GABRA5: variants seen among roughly 807,000 people sequenced by gnomAD.
GABRA5 encodes the protein gamma-aminobutyric acid receptor subunit alpha-5.
Under a neutral mutation model 47.3 loss-of-function variants are expected in GABRA5, and 18 were observed. The ratio of observed to expected loss-of-function variants is 0.38; its 90% CI spans 0.26 to 0.56. GABRA5 has a LOEUF of 0.56. Among genes scored for constraint, GABRA5 ranks in the 20% least tolerant of loss-of-function variants. GABRA5 has a pLI of 0.71. For missense variants in GABRA5, 365 were observed against 599.3 expected, an observed-to-expected ratio of 0.61 and a Z score of 4.08; for synonymous variants, 237 against 229.3, an observed-to-expected ratio of 1.03 and a Z score of -0.30.
At chr15:26,939,791 C>T (rs920837428) in intron 8 of GABRA5, 134 bp from the exon 9 acceptor site, 2 of 830,200 alleles carry the variant, frequency 2.4e-6, no homozygotes, top group Non-Finnish European at 3.9e-6. Context: ...TGTGTCCTCT[C>T]CTTAACCCAG....
At chr15:26,927,271 T>A (rs988572185) in intron 7 of GABRA5, among the ~76,000 whole-genome samples, 3 of 41,062 alleles carry the variant, frequency 7.3e-5, no homozygotes, top group Middle Eastern at 0.025. Flanking sequence ...GTCCAGCTAA[T>A]TTTTTTTTTT....
chr15:26,941,132 T>C (rs1005354663), intron 9 of GABRA5, among the ~76,000 whole-genome samples: 6 of 151,964 alleles, frequency 3.9e-5, no homozygotes, highest in African/African-American at 1.5e-4. Flanking sequence ...CAGTCAAGAG[T>C]CCAGCTTCAC....
chr15:26,937,474 T>C, intron 8 of GABRA5, 146 bp downstream of exon 8: 1 of 824,168 alleles, frequency 1.2e-6, no homozygotes, highest in Non-Finnish European at 1.8e-6. Flanking sequence ...CCAGCTGTGC[T>C]CTCCATGGGC....
At chr15:26,927,254 C>T (rs2140305390) in intron 7 of GABRA5, among the ~76,000 whole-genome samples, 1 of 150,548 alleles carries the variant, frequency 6.6e-6, no homozygotes, top group South Asian at 2.1e-4. Context: ...CAGGTGCCCG[C>T]CACCATGTCC....
chr15:26,895,391 A>G (rs1016099145), intron 6 of GABRA5, among the ~76,000 whole-genome samples: 4 of 152,138 alleles, frequency 2.6e-5, no homozygotes, highest in Admixed American at 1.3e-4. Context: ...GTGCCTGTGC[A>G]GGCTCTGCCA....
intron 6 of GABRA5, among the ~76,000 whole-genome samples, chr15:26,890,603 C>T (rs74006531): frequency 0.035 from 5,300 of 152,150 alleles, 319 homozygotes; most frequent in African/African-American, 0.12. Flanking sequence ...CACCATCCTT[C>T]ATGTCCTCAG....
chr15:26,938,491 C>A (rs1566886985), intron 8 of GABRA5, among the ~76,000 whole-genome samples: 1 of 152,026 alleles, frequency 6.6e-6, no homozygotes, highest in Non-Finnish European at 1.5e-5. Flanking sequence ...AATTTTCCTA[C>A]CCTCAACTCA....
chr15:26,909,506 A>G (rs1328301930), intron 6 of GABRA5, among the ~76,000 whole-genome samples: 1 of 152,224 alleles, frequency 6.6e-6, no homozygotes, highest in Non-Finnish European at 1.5e-5. Context: ...TTGTAATTCC[A>G]AAAGGGTCCC....
intron 6 of GABRA5, among the ~76,000 whole-genome samples, chr15:26,901,903 A>C (rs918042982): frequency 6.6e-6 from 1 of 152,096 alleles, no homozygotes; most frequent in Non-Finnish European, 1.5e-5. Context: ...TGTTGAAAAG[A>C]CTGTCTCGTC....
At chr15:26,935,787 C>T (rs2140577650) in intron 7 of GABRA5, among the ~76,000 whole-genome samples, 2 of 152,326 alleles carry the variant, frequency 1.3e-5, no homozygotes, top group Middle Eastern at 6.8e-3. Context: ...CTCTCCTTCT[C>T]TTCCTCTCCC....
intron 6 of GABRA5, among the ~76,000 whole-genome samples, chr15:26,909,351 A>C (rs891827404): frequency 8.5e-5 from 13 of 152,162 alleles, no homozygotes; most frequent in Non-Finnish European, 1.5e-4. Flanking sequence ...TAAATTCACC[A>C]CATCTGAAAA....
chr15:26,885,651 T>G (rs974019432), intron 6 of GABRA5, among the ~76,000 whole-genome samples: 1 of 152,138 alleles, frequency 6.6e-6, no homozygotes, highest in South Asian at 2.1e-4. Context: ...GACATTACCT[T>G]GTTGATTTAG....
At chr15:26,914,429 C>T (rs532750700) in intron 6 of GABRA5, among the ~76,000 whole-genome samples, 146 of 152,190 alleles carry the variant, frequency 9.6e-4, no homozygotes, top group African/African-American at 3.2e-3. Flanking sequence ...ATTTTTTGAG[C>T]TTATAAGCAA....
In GABRA5 at chr15:26,895,629, G is replaced by A. The variant is rs576488730; in HGVS notation, c.497+12072G>A. The stretch of plus-strand genomic sequence containing the variant: ...AGATCGACACCATCCTGGCTAACAG[G>A]GTGAAACCCCGTCTCTACTAAAAAT... On this transcript the variant is annotated intron_variant, in intron 6 of 10. Coordinates refer to ENST00000335625, the MANE Select transcript of GABRA5 (RefSeq NM_000810.4). Among the ~76,000 whole-genome samples, 311 of 151,954 alleles carry A rather than the reference G, an allele frequency of 2.0e-3. 1 individual carries two copies. In the Middle Eastern group the frequency reaches 0.024, roughly 12 times the overall value.
intron 6 of GABRA5, among the ~76,000 whole-genome samples, chr15:26,911,935 G>A (rs1893605448): frequency 6.6e-6 from 1 of 152,148 alleles, no homozygotes; most frequent in African/African-American, 2.4e-5. Flanking sequence ...AGACTGTGTG[G>A]GGTTATAGTG....
chr15:26,916,507 G>A (rs1595421098), intron 7 of GABRA5, among the ~76,000 whole-genome samples: 1 of 152,224 alleles, frequency 6.6e-6, no homozygotes, highest in Admixed American at 6.5e-5. Context: ...GTCAGGACAT[G>A]TAATGCCTCC....
At chr15:26,882,743 C>G (rs1309464527) in intron 4 of GABRA5, among the ~76,000 whole-genome samples, 1 of 152,158 alleles carries the variant, frequency 6.6e-6, no homozygotes, top group African/African-American at 2.4e-5. Flanking sequence ...AAGTCAGCTC[C>G]CCTCATCCTG....
chr15:26,943,264 C>T lies in GABRA5; in HGVS notation c.927C>T (p.Asn309=), dbSNP rs1282525379. 3 of 1,567,782 alleles carry T rather than the reference C, an allele frequency of 1.9e-6. No homozygotes were observed. The South Asian group carries it at 3.5e-5, about 18-fold the overall frequency. ...TMTTLSISAR[N]SLPKVAYATA... ...CGACCCTCAGCATCAGCGCCAGGAA[C>T]TCTCTGCCCAAAGTGGCCTACGCCA... Residue 309 remains asparagine, a synonymous_variant, in exon 10 of 11, where the codon AAC becomes AAT. Coordinates refer to ENST00000335625, the MANE Select transcript of GABRA5 (RefSeq NM_000810.4).
At position 26,867,094 on chromosome 15, in the gene GABRA5, A is replaced by C. The variant is rs1198685162; in HGVS notation, c.-157A>C. On this transcript the variant is annotated 5_prime_UTR_variant, in exon 1 of 11. The change abolishes an upstream ATG in the 5' untranslated region. Coordinates refer to ENST00000335625, the MANE Select transcript of GABRA5 (RefSeq NM_000810.4). This position sits in a 1 kb window ranked among gnomAD's most constrained non-coding sequence, Gnocchi z 5.9. Reference sequence around the variant, plus strand: ...GCCGATCCTCCAGCCCAGAGACGACATGTGGCGCTCGGGCGAGGTGAGAGC... The same window carrying C: ...GCCGATCCTCCAGCCCAGAGACGACCTGTGGCGCTCGGGCGAGGTGAGAGC... The C allele has an allele frequency of 2.0e-5, 3 of 152,092 alleles. No individual in the cohort carries two copies. Among genetic ancestry groups the C allele is most frequent in the Admixed American group, 6.6e-5 (1 of 15,230 alleles). 9.4% of individuals were successfully genotyped at this position (152,092 alleles called of 1,614,324 possible).
Sources: gnomAD v4.1 joint callset for allele counts (sites outside exome capture counted in the v4.1 genomes callset) on GRCh38, gnomAD v4.1.1 for gene constraint, Gnocchi (gnomAD v3.1) non-coding constraint, MANE v1.5 for transcripts, NCBI Gene and HGNC (gene_info 2026-07-23, HGNC 2026-07-21) for gene names.